The following NCAPD3 variants were observed in gnomAD, a reference collection of about 807,000 sequenced individuals.
The protein encoded by NCAPD3 is condensin-2 complex subunit D3.
Under a neutral mutation model 182.9 loss-of-function variants are expected in NCAPD3, and 105 were observed. The ratio of observed to expected loss-of-function variants is 0.57; its 90% CI spans 0.49 to 0.68. The LOEUF (loss-of-function observed/expected upper bound fraction) is 0.68. NCAPD3 is among the 30% of genes least tolerant of loss of function. The probability of loss-of-function intolerance (pLI) is 0.00; values close to 1 mark genes in which losing one functional copy is unlikely to be tolerated. For synonymous variants in NCAPD3, 815 were observed against 679.9 expected (o/e 1.20, Z -3.09); for missense variants, 1,944 against 1,837.0 (o/e 1.06, Z -1.07).
At chr11:134,203,017 A>G (rs1944781387) in intron 12 of NCAPD3, 112 bp from the exon 13 acceptor site, 1 of 1,153,818 alleles carries the variant, frequency 8.7e-7, no homozygotes, top group Non-Finnish European at 1.2e-6. Flanking sequence ...ATGAATTTCA[A>G]CCTCTCTCAT....
intron 15 of NCAPD3, 103 bp downstream of exon 15, chr11:134,193,913 G>C: frequency 2.4e-6 from 3 of 1,247,064 alleles, no homozygotes; most frequent in Non-Finnish European, 3.4e-6. Context: ...ACTTAGTAGA[G>C]TTTTTAAAGG....
intron 13 of NCAPD3, among the ~76,000 whole-genome samples, chr11:134,198,035 A>G (rs1440445785): frequency 1.3e-5 from 2 of 152,214 alleles, no homozygotes; most frequent in Non-Finnish European, 2.9e-5. Flanking sequence ...AACCAAAAAT[A>G]AAATTCTAAG....
chr11:134,184,604 G>A (rs1212658754), intron 19 of NCAPD3, 33 bp downstream of exon 19: 1 of 1,461,858 alleles, frequency 6.8e-7, no homozygotes, highest in South Asian at 1.2e-5. Flanking sequence ...GCTCAAAGAA[G>A]TCAGAAACAT....
At chr11:134,207,948 C>T (rs1331874786) in intron 7 of NCAPD3, among the ~76,000 whole-genome samples, 1 of 152,158 alleles carries the variant, frequency 6.6e-6, no homozygotes, top group African/African-American at 2.4e-5. Flanking sequence ...TTCTAAACAA[C>T]AGGCATTGTG....
Position 134,151,764 on chromosome 11 carries a change from A to G in NCAPD3, c.*1180T>C, listed in dbSNP as rs1392666385. 2 of 152,148 alleles carry G rather than the reference A, an allele frequency of 1.3e-5. No individual in the cohort carries two copies. Among genetic ancestry groups the G allele is most frequent in the African/African-American group, 2.4e-5 (1 of 41,428 alleles). 9.4% of individuals were successfully genotyped at this position (152,148 alleles called of 1,614,324 possible). On this transcript the variant is annotated 3_prime_UTR_variant, in exon 35 of 35. Transcript: ENST00000534548. ...TTCAAAAAAACCCAAACATTGCTTC[A>G]TTCTTTGTTATTTGCTCTTACGTTG...
At position 134,158,410 on chromosome 11, in the gene NCAPD3, G is replaced by A. The variant is rs764370082; in HGVS notation, c.3953C>T (p.Pro1318Leu). Reference protein sequence around the residue: ...MSPAVSQPCTPRASAGHVAVS... With the variant: ...MSPAVSQPCTLRASAGHVAVS... ...TGCTACATGGCCAGCACTTGCCCTG[G>A]GTGTGCAGGGCTGGCTCACGGCAGG... Residue 1318 changes from proline to leucine, a missense_variant, in exon 30 of 35, where the codon CCC becomes CTC. By Grantham distance (98) the Pro-to-Leu change is moderately conservative. Coordinates refer to ENST00000534548, the MANE Select transcript of NCAPD3 (RefSeq NM_015261.3). The A allele has an allele frequency of 9.9e-6, 16 of 1,614,062 alleles. No homozygotes were observed. The highest frequency in any genetic ancestry group is 9.3e-5 in the African/African-American group (7 of 74,926).
chr11:134,160,109 C>T (rs751400950), intron 28 of NCAPD3, 35 bp from the exon 29 acceptor site: 3 of 1,604,890 alleles, frequency 1.9e-6, no homozygotes, highest in Non-Finnish European at 1.7e-6. Flanking sequence ...TTCATGTTTT[C>T]TTGAATAAAA....
intron 3 of NCAPD3, 86 bp downstream of exon 3, chr11:134,216,850 G>A (rs1938044960): frequency 5.1e-6 from 7 of 1,385,134 alleles, no homozygotes; most frequent in Non-Finnish European, 2.9e-6. Context: ...TATAAGTGAA[G>A]AAACAAGAAA....
At chr11:134,158,092 G>A in intron 30 of NCAPD3, 25 bp from the exon 31 acceptor site, 2 of 1,582,078 alleles carry the variant, frequency 1.3e-6, no homozygotes, top group Non-Finnish European at 1.7e-6. Context: ...CACAGCCGCT[G>A]ACTTTCTCAC....
In NCAPD3 at chr11:134,158,287, C is replaced by A. The variant is rs1943483609; in HGVS notation, c.4034+42G>T. The A allele has an allele frequency of 2.5e-6, 4 of 1,608,928 alleles. No homozygotes were observed. The African/African-American group carries it at 4.0e-5, about 16-fold the overall frequency. ...GCAGGGACGCCTCTGAGAACATCGCCACAGAGAACCAGCCCTGATGTGGCC... is the reference window on the plus strand; with the variant it reads ...GCAGGGACGCCTCTGAGAACATCGCAACAGAGAACCAGCCCTGATGTGGCC... On this transcript the variant is annotated intron_variant, in intron 30 of 34. Coordinates refer to ENST00000534548, the MANE Select transcript of NCAPD3 (RefSeq NM_015261.3).
Position 134,168,581 on chromosome 11 carries a change from C to T in NCAPD3, c.3261G>A (p.Leu1087=), listed in dbSNP as rs1943926985. The stretch of plus-strand genomic sequence containing the variant: ...GTCTCTCTTTGTTTGACTTTCCCTT[C>T]AATGAAAACAGCCGCTTCTCTCTGT... ...QSEREKRLFS[L]KGKSNKERRM... The change falls in exon 26 of 35, where the codon TTG becomes TTA. Residue 1087 remains leucine, a synonymous_variant. Transcript: ENST00000534548. 2 of 1,614,008 alleles carry T rather than the reference C, an allele frequency of 1.2e-6. No individual in the cohort carries two copies. Among genetic ancestry groups the T allele is most frequent in the Non-Finnish European group, 1.7e-6 (2 of 1,180,032 alleles).
chr11:134,185,934 G>C (rs1425783291), intron 16 of NCAPD3: 2 of 145,828 alleles, frequency 1.4e-5, no homozygotes, highest in East Asian at 4.0e-4. Flanking sequence ...TTGAGATGGA[G>C]TCTCGCTCTG....
rs565795579 is a variant in NCAPD3, at chr11:134,158,285, G to A, written c.4034+44C>T. ...TGGCAGGGACGCCTCTGAGAACATC[G>A]CCACAGAGAACCAGCCCTGATGTGG... is the stretch of plus-strand genomic sequence containing the variant. On this transcript the variant is annotated intron_variant, in intron 30 of 34. Transcript: ENST00000534548. 37 of 1,606,968 alleles carry A rather than the reference G, an allele frequency of 2.3e-5. No individual in the cohort carries two copies. In the Admixed American group the frequency reaches 3.2e-4, roughly 14 times the overall value.
At chr11:134,157,812 C>A in intron 31 of NCAPD3, 116 bp downstream of exon 31, 2 of 1,158,316 alleles carry the variant, frequency 1.7e-6, no homozygotes, top group Non-Finnish European at 2.4e-6. Context: ...GCCCAATTAA[C>A]GTTATTTGTT....
chr11:134,194,123 C>T lies in NCAPD3; in HGVS notation c.1717G>A (p.Asp573Asn), dbSNP rs1292274615. ...AGGTCTTCCTTCATGCCTGAGACAT[C>T]ACAGTGTTTCAAAATACTCACTAAT... is the stretch of plus-strand genomic sequence containing the variant. ...QVLVSILKHC[D>N]VSGMKEDLWI... Residue 573 changes from aspartate to asparagine, a missense_variant, in exon 15 of 35, where the codon GAT becomes AAT. Asp to Asn is a conservative substitution (Grantham distance 23, BLOSUM62 1). This residue lies in a region of NCAPD3 where 1,803 missense variants were observed against 1,674.6 expected (regional missense o/e 1.08). Coordinates refer to ENST00000534548, the MANE Select transcript of NCAPD3 (RefSeq NM_015261.3). The T allele has an allele frequency of 1.9e-6, 3 of 1,614,152 alleles. No homozygotes were observed. In the Admixed American group the frequency reaches 5.0e-5, roughly 27 times the overall value.
Position 134,161,767 on chromosome 11 carries a change from G to A in NCAPD3, c.3684+14C>T, listed in dbSNP as rs2120573780. 1 of 1,460,422 alleles carries A rather than the reference G, an allele frequency of 6.8e-7. No individual in the cohort carries two copies. Among genetic ancestry groups the A allele is most frequent in the Non-Finnish European group, 9.6e-7 (1 of 1,046,540 alleles). 90.5% of individuals were successfully genotyped at this position (1,460,422 alleles called of 1,614,324 possible). The stretch of plus-strand genomic sequence containing the variant: ...GTAGGACAACAACCACAAAAGCACA[G>A]GCTCCACCCTTACCCTGAGATAGTG... On this transcript the variant is annotated intron_variant, in intron 28 of 34. Transcript: ENST00000534548.
chr11:134,166,746 G>A (rs539803802), intron 27 of NCAPD3, among the ~76,000 whole-genome samples: 2 of 131,006 alleles, frequency 1.5e-5, no homozygotes, highest in South Asian at 5.7e-4. Flanking sequence ...ATGAGCTTGG[G>A]GGAGGCGCAC....
Position 134,184,757 on chromosome 11 carries a change from G to A in NCAPD3, c.2336-5C>T. 6.2e-7 allele frequency: 1 copy of A among 1,607,978 alleles called. No homozygotes were observed. Among genetic ancestry groups the A allele is most frequent in the Non-Finnish European group, 8.5e-7 (1 of 1,175,612 alleles). On this transcript the variant is annotated splice_region_variant and splice_polypyrimidine_tract_variant and intron_variant, in intron 18 of 34. Coordinates refer to ENST00000534548, the MANE Select transcript of NCAPD3 (RefSeq NM_015261.3). ...TCAGCTTACACTTGACAGCATCTAT[G>A]AAGGAAGTCAAAACCCCTGAAGTTC...
At chr11:134,160,591 C>A (rs1036963564) in intron 28 of NCAPD3, among the ~76,000 whole-genome samples, 1 of 152,178 alleles carries the variant, frequency 6.6e-6, no homozygotes, top group Non-Finnish European at 1.5e-5. Context: ...GTGTCTTCTT[C>A]TGAAGATTTT....
Sources: allele counts gnomAD v4.1 joint callset (sites outside exome capture counted in the v4.1 genomes callset), GRCh38; gene constraint gnomAD v4.1.1; regional missense constraint gnomAD v4.1.1; transcripts MANE v1.5; gene names NCBI Gene and HGNC (gene_info 2026-07-23, HGNC 2026-07-21).